PTPRK: variants seen among roughly 807,000 people sequenced by gnomAD.
PTPRK encodes receptor-type tyrosine-protein phosphatase kappa.
A neutral mutation model predicts 178.0 loss-of-function variants in PTPRK; 75 were observed. The observed-to-expected ratio is 0.42, with a 90% CI of 0.35 to 0.51. PTPRK has a LOEUF of 0.51. Ranked by LOEUF, PTPRK falls within the 20% of genes least tolerant of loss-of-function variation. PTPRK has a pLI of 0.02. For missense variants in PTPRK, 1,441 were observed against 1,797.8 expected (o/e 0.80, Z 3.59); for synonymous variants, 637 against 620.6 (o/e 1.03, Z -0.39).
At chr6:128,111,585 G>GCC (rs1469296739) in intron 7 of PTPRK, among the ~76,000 whole-genome samples, 32 of 151,522 alleles carry the variant, frequency 2.1e-4, no homozygotes, top group Non-Finnish European at 3.1e-4. Flanking sequence ...GTAGTTTTAT[G>GCC]CTTACTTAAA....
At chr6:128,506,335 T>G (rs1479305809) in intron 1 of PTPRK, among the ~76,000 whole-genome samples, 1 of 152,144 alleles carries the variant, frequency 6.6e-6, no homozygotes, top group African/African-American at 2.4e-5. Context: ...AATTTAGAAT[T>G]TTCATATTTT....
intron 7 of PTPRK, among the ~76,000 whole-genome samples, chr6:128,182,942 A>C (rs1005283989): frequency 7.9e-5 from 12 of 152,174 alleles, no homozygotes; most frequent in Non-Finnish European, 1.2e-4. Context: ...GAGATATTTA[A>C]AAGAAAGTAG....
At chr6:128,123,482 T>C (rs1418833889) in intron 7 of PTPRK, among the ~76,000 whole-genome samples, 2 of 152,206 alleles carry the variant, frequency 1.3e-5, no homozygotes, top group African/African-American at 4.8e-5. Flanking sequence ...AGAATAGTTA[T>C]GCATTTACAG....
At chr6:128,236,563 G>C (rs2128281525) in intron 5 of PTPRK, among the ~76,000 whole-genome samples, 1 of 151,990 alleles carries the variant, frequency 6.6e-6, no homozygotes, top group East Asian at 1.9e-4. Context: ...TGGCCAGGCT[G>C]GTCTCCAACT....
intron 25 of PTPRK, 25 bp downstream of exon 25, chr6:127,981,091 A>G (rs761316316): frequency 1.2e-6 from 2 of 1,605,810 alleles, no homozygotes; most frequent in East Asian, 2.2e-5. Context: ...AACACTCTAC[A>G]CTAACAAAGA....
At chr6:128,113,873 C>T (rs1297541574) in intron 7 of PTPRK, among the ~76,000 whole-genome samples, 1 of 152,098 alleles carries the variant, frequency 6.6e-6, no homozygotes, top group Admixed American at 6.5e-5. Flanking sequence ...AGTGCACACA[C>T]ATATATATAC....
intron 1 of PTPRK, among the ~76,000 whole-genome samples, chr6:128,490,424 T>C (rs557024427): frequency 1.8e-4 from 27 of 152,290 alleles, no homozygotes; most frequent in African/African-American, 6.3e-4. Flanking sequence ...GAACAGTCCA[T>C]GAGTATTATA....
intron 17 of PTPRK, among the ~76,000 whole-genome samples, chr6:127,995,903 G>T (rs1030917673): frequency 1.3e-5 from 2 of 152,030 alleles, no homozygotes; most frequent in African/African-American, 4.8e-5. Context: ...GCACTTTACA[G>T]CAAATGAGCC....
chr6:128,298,506 A>G (rs558558310), intron 3 of PTPRK, among the ~76,000 whole-genome samples: 5 of 152,152 alleles, frequency 3.3e-5, no homozygotes, highest in African/African-American at 1.2e-4. Flanking sequence ...CAGCACATCA[A>G]AAAGCTTATC....
rs373997665 is a variant in PTPRK, at chr6:128,339,235, T to G, written c.224-16925A>C. Reference sequence around the variant, plus strand: ...AGCTAACTTTTAAAATTAATAAATTTTCTTATTTTTTACCAATATGTTATT... The same window carrying G: ...AGCTAACTTTTAAAATTAATAAATTGTCTTATTTTTTACCAATATGTTATT... On this transcript the variant is annotated intron_variant, in intron 2 of 29. Coordinates refer to ENST00000368226, the MANE Select transcript of PTPRK (RefSeq NM_002844.4). Among the ~76,000 whole-genome samples, 74 of 152,298 alleles carry G rather than the reference T, an allele frequency of 4.9e-4. No homozygotes were observed. The South Asian group carries it at 0.015, about 31-fold the overall frequency.
At position 128,009,278 on chromosome 6, in the gene PTPRK, T is replaced by TAAAA; in HGVS notation, c.2195-14_2195-11dup. ...TCTTCTGTTGCTGCTGCTAAATGGA[T>TAAAA]AAAAAAAAAAATCAGTTACTGAAAG... On this transcript the variant is annotated splice_polypyrimidine_tract_variant and intron_variant, in intron 13 of 29. Coordinates refer to ENST00000368226, the MANE Select transcript of PTPRK (RefSeq NM_002844.4). 1 of 1,231,366 alleles carries TAAAA rather than the reference T, an allele frequency of 8.1e-7. No homozygotes were observed. Among genetic ancestry groups the TAAAA allele is most frequent in the Non-Finnish European group, 1.1e-6 (1 of 906,488 alleles). 76.3% of individuals were successfully genotyped at this position (1,231,366 alleles called of 1,614,324 possible).
At position 128,492,174 on chromosome 6, in the gene PTPRK, C is replaced by T. The variant is rs375943057; in HGVS notation, c.100+28085G>A. On this transcript the variant is annotated intron_variant, in intron 1 of 29. Transcript: ENST00000368226. Reference sequence around the variant, plus strand: ...AGATACCAGTAGCAGTTCCTAGTACCGTACTTCTGGGCCCTTCACATGCTG... The same window carrying T: ...AGATACCAGTAGCAGTTCCTAGTACTGTACTTCTGGGCCCTTCACATGCTG... Among the ~76,000 whole-genome samples, 8 of 152,160 alleles carry T rather than the reference C, an allele frequency of 5.3e-5. No homozygotes were observed. In the South Asian group the frequency reaches 1.7e-3, roughly 32 times the overall value.
intron 1 of PTPRK, among the ~76,000 whole-genome samples, chr6:128,416,548 T>C (rs956155642): frequency 1.8e-4 from 27 of 149,948 alleles, no homozygotes; most frequent in African/African-American, 6.4e-4. Context: ...TCGGGAGGGC[T>C]GAGGCAGGAG....
rs1310614077 is a variant in PTPRK at position 127,994,263 on chromosome 6, G to T, written c.2844+1199C>A. On this transcript the variant is annotated intron_variant, in intron 18 of 29. Transcript: ENST00000368226. ...GAAATTATAAAATGTTGGGTCCTAG[G>T]TTTCATACCTTTTAGGTCTATAGAA... Among the ~76,000 whole-genome samples the T allele has an allele frequency of 2.6e-5, 4 of 151,420 alleles. 1 individual carries two copies. In the East Asian group the frequency reaches 5.8e-4, roughly 22 times the overall value.
In PTPRK at chr6:128,397,597, C is replaced by T. The variant is rs1840487161; in HGVS notation, c.192G>A (p.Glu64=). The T allele has an allele frequency of 3.1e-6, 5 of 1,613,754 alleles. No individual in the cohort carries two copies. Among genetic ancestry groups the T allele is most frequent in the African/African-American group, 1.3e-5 (1 of 74,860 alleles). ...GCATCTCGGGTGGTAGATAATGAGG[C>T]TCTTGAGCACTAACATGCACCCATT... is the stretch of plus-strand genomic sequence containing the variant. ...DFEWVHVSAQ[E]PHYLPPEMPQ... is the part of the protein sequence containing the mutation. The change falls in exon 2 of 30, where the codon GAG becomes GAA. Residue 64 remains glutamate, a synonymous_variant. Transcript: ENST00000368226.
At position 128,205,777 on chromosome 6, in the gene PTPRK, C is replaced by CAAAAAAAAAA. The variant is rs57003128; in HGVS notation, c.868+13135_868+13144dup. ...CACAGTGAGAATCTGCATCACAGAC[C>CAAAAAAAAAA]AAAAAAAAAAAAAAAAAAAAAAAAA... is the stretch of plus-strand genomic sequence containing the variant. On this transcript the variant is annotated intron_variant, in intron 6 of 29. Transcript: ENST00000368226. Among the ~76,000 whole-genome samples the CAAAAAAAAAA allele has an allele frequency of 1.4e-3, 21 of 15,230 alleles. 1 individual carries two copies. Among genetic ancestry groups the CAAAAAAAAAA allele is most frequent in the African/African-American group, 4.8e-3 (20 of 4,178 alleles). 10.0% of individuals were successfully genotyped at this position (15,230 alleles called of 152,430 possible). A position where few individuals can be genotyped will look rare whatever the true frequency, so the allele number is the denominator to read the frequency against.
chr6:128,398,101 T>C (rs1016467997), intron 1 of PTPRK, among the ~76,000 whole-genome samples: 3 of 152,106 alleles, frequency 2.0e-5, no homozygotes, highest in African/African-American at 7.2e-5. Flanking sequence ...AAGCAGAGAT[T>C]TACTGAAAAT....
chr6:128,387,376 G>A (rs1334898314), intron 2 of PTPRK, among the ~76,000 whole-genome samples: 1 of 152,148 alleles, frequency 6.6e-6, no homozygotes. Context: ...TTATGATAAT[G>A]CAAACAAATT....
chr6:128,496,801 G>T (rs1187909982), intron 1 of PTPRK, among the ~76,000 whole-genome samples: 1 of 152,154 alleles, frequency 6.6e-6, no homozygotes, highest in African/African-American at 2.4e-5. Flanking sequence ...TAATGATGTT[G>T]TAATGTGACA....
Sources: allele counts gnomAD v4.1 joint callset (sites outside exome capture counted in the v4.1 genomes callset), GRCh38; gene constraint gnomAD v4.1.1; transcripts MANE v1.5; gene names NCBI Gene and HGNC (gene_info 2026-07-23, HGNC 2026-07-21).